MEOX2: variants seen among roughly 807,000 people sequenced by gnomAD.
MEOX2 encodes the protein mesenchyme homeobox 2.
A neutral mutation model predicts 27.0 loss-of-function variants in MEOX2; 11 were observed. The ratio of observed to expected loss-of-function variants is 0.41; its 90% CI spans 0.26 to 0.68. The LOEUF (loss-of-function observed/expected upper bound fraction) is 0.68, where lower values mean the gene tolerates loss of function less well. MEOX2 is among the 30% of genes least tolerant of loss of function. The probability of loss-of-function intolerance (pLI) is 0.33; values close to 1 mark genes in which losing one functional copy is unlikely to be tolerated. For synonymous variants in MEOX2, 189 were observed against 155.4 expected, an observed-to-expected ratio of 1.22 and a Z score of -1.61; for missense variants, 436 against 385.4, an observed-to-expected ratio of 1.13 and a Z score of -1.10.
At chr7:15,661,767 G>T (rs1020275337) in intron 1 of MEOX2, among the ~76,000 whole-genome samples, 14 of 152,098 alleles carry the variant, frequency 9.2e-5, no homozygotes, top group African/African-American at 3.4e-4. Flanking sequence ...AGAAGCGAAC[G>T]TTCAAAACCT....
At chr7:15,631,535 G>C (rs1781400870) in intron 1 of MEOX2, among the ~76,000 whole-genome samples, 1 of 151,714 alleles carries the variant, frequency 6.6e-6, no homozygotes, top group South Asian at 2.1e-4. Flanking sequence ...TAACTGTATA[G>C]CTAAAAGTTT....
chr7:15,677,885 G>A (rs1487292307), intron 1 of MEOX2, among the ~76,000 whole-genome samples: 1 of 152,128 alleles, frequency 6.6e-6, no homozygotes, highest in African/African-American at 2.4e-5. Flanking sequence ...GGCTAAATAT[G>A]CAAAAGTGTT....
At chr7:15,659,743 G>C (rs1781881002) in intron 1 of MEOX2, among the ~76,000 whole-genome samples, 1 of 123,590 alleles carries the variant, frequency 8.1e-6, no homozygotes, top group Non-Finnish European at 1.6e-5. Context: ...CTGGGTGACA[G>C]AGCGAGACTG....
chr7:15,622,499 G>A (rs1241183512), intron 2 of MEOX2, among the ~76,000 whole-genome samples: 2 of 152,002 alleles, frequency 1.3e-5, no homozygotes, highest in Non-Finnish European at 2.9e-5. Context: ...ACAATATGAG[G>A]TTAGATGTAA....
chr7:15,616,629 T>A (rs572400887), intron 2 of MEOX2, among the ~76,000 whole-genome samples: 114 of 151,988 alleles, frequency 7.5e-4, no homozygotes, highest in Non-Finnish European at 1.1e-3. Context: ...TAAATTATCA[T>A]CATCCAAATG....
chr7:15,684,102 G>T (rs950558109), intron 1 of MEOX2, among the ~76,000 whole-genome samples: 1 of 152,158 alleles, frequency 6.6e-6, no homozygotes, highest in Admixed American at 6.5e-5. Context: ...ACATGTGCTT[G>T]TATGAAAATT....
chr7:15,651,997 C>A (rs970698392), intron 1 of MEOX2, among the ~76,000 whole-genome samples: 1 of 151,988 alleles, frequency 6.6e-6, no homozygotes, highest in Non-Finnish European at 1.5e-5. Context: ...CAATGATTAA[C>A]TCATCTTCTT....
intron 1 of MEOX2, 66 bp downstream of exon 1, chr7:15,685,820 C>T (rs558405593): frequency 1.3e-6 from 2 of 1,525,332 alleles, no homozygotes; most frequent in South Asian, 1.3e-5. Flanking sequence ...GAGAATCTCC[C>T]CTAGTATCTC....
intron 1 of MEOX2, among the ~76,000 whole-genome samples, chr7:15,671,261 T>G (rs1782091976): frequency 6.6e-6 from 1 of 152,156 alleles, no homozygotes; most frequent in Non-Finnish European, 1.5e-5. Flanking sequence ...AAAAAGTAAT[T>G]TTATGATAAA....
chr7:15,615,105 T>C (rs904444691), intron 2 of MEOX2, among the ~76,000 whole-genome samples: 2 of 152,188 alleles, frequency 1.3e-5, no homozygotes, highest in Non-Finnish European at 2.9e-5. Flanking sequence ...TTATTATTAC[T>C]TACTAAACAA....
At chr7:15,652,022 C>T (rs1781738469) in intron 1 of MEOX2, among the ~76,000 whole-genome samples, 1 of 152,016 alleles carries the variant, frequency 6.6e-6, no homozygotes, top group African/African-American at 2.4e-5. Context: ...GTCTTAGACT[C>T]TACCAACAAA....
At chr7:15,661,187 A>G (rs927298640) in intron 1 of MEOX2, among the ~76,000 whole-genome samples, 1 of 152,100 alleles carries the variant, frequency 6.6e-6, no homozygotes, top group Admixed American at 6.6e-5. Flanking sequence ...GTAGGCTTTG[A>G]TAACTAAAAA....
intron 1 of MEOX2, among the ~76,000 whole-genome samples, chr7:15,628,168 T>A (rs940741830): frequency 6.6e-6 from 1 of 152,012 alleles, no homozygotes; most frequent in Admixed American, 6.6e-5. Context: ...TTTCATGCAA[T>A]GATGCTTAAA....
chr7:15,682,909 A>G (rs1430222663), intron 1 of MEOX2, among the ~76,000 whole-genome samples: 2 of 152,016 alleles, frequency 1.3e-5, no homozygotes, highest in Non-Finnish European at 2.9e-5. Context: ...AAAAATGTTT[A>G]ACACATATAA....
intron 2 of MEOX2, among the ~76,000 whole-genome samples, chr7:15,623,360 C>G (rs755797173): frequency 1.3e-5 from 2 of 152,022 alleles, no homozygotes; most frequent in Non-Finnish European, 2.9e-5. Flanking sequence ...AAAATAGACA[C>G]ATAATTTAAG....
intron 1 of MEOX2, among the ~76,000 whole-genome samples, chr7:15,632,989 A>G (rs541386160): frequency 6.6e-6 from 1 of 152,064 alleles, no homozygotes; most frequent in Non-Finnish European, 1.5e-5. Context: ...AGACTTTTTG[A>G]CATAAAGCAT....
chr7:15,627,871 A>T (rs1177711664), intron 1 of MEOX2, among the ~76,000 whole-genome samples: 1 of 150,542 alleles, frequency 6.6e-6, no homozygotes, highest in Non-Finnish European at 1.5e-5. Context: ...ACTTAGGGCA[A>T]ATTTATCCTC....
At chr7:15,671,955 T>A (rs1324669852) in intron 1 of MEOX2, among the ~76,000 whole-genome samples, 3 of 152,026 alleles carry the variant, frequency 2.0e-5, no homozygotes, top group Non-Finnish European at 4.4e-5. Context: ...TAGCCAGGCA[T>A]GCTCGTGCAT....
intron 1 of MEOX2, among the ~76,000 whole-genome samples, chr7:15,644,829 T>C (rs949149363): frequency 6.6e-6 from 1 of 152,206 alleles, no homozygotes; most frequent in Admixed American, 6.5e-5. Flanking sequence ...CCACTTCCCA[T>C]GAAGTAAATA....
Sources: allele counts gnomAD v4.1 joint callset (sites outside exome capture counted in the v4.1 genomes callset), GRCh38; gene constraint gnomAD v4.1.1; transcripts MANE v1.5; gene names NCBI Gene and HGNC (gene_info 2026-07-23, HGNC 2026-07-21).